The following TMCC1 variants were observed in gnomAD, a reference collection of about 807,000 sequenced individuals.
The protein encoded by TMCC1 is transmembrane and coiled-coil domain family 1.
In TMCC1, 15 loss-of-function variants were observed where a neutral mutation model predicts 52.4. That is an observed-to-expected ratio of 0.29 (90% CI 0.19 to 0.44). TMCC1 has a LOEUF of 0.44. Ranked by LOEUF, TMCC1 falls within the 20% of genes least tolerant of loss-of-function variation. TMCC1 has a pLI of 1.00. For missense variants in TMCC1, 503 were observed against 806.0 expected (o/e 0.62, Z 4.55); for synonymous variants, 279 against 301.9 (o/e 0.92, Z 0.79).
At chr3:129,699,645 C>T (rs771163506) in intron 4 of TMCC1, among the ~76,000 whole-genome samples, 1 of 152,168 alleles carries the variant, frequency 6.6e-6, no homozygotes, top group Non-Finnish European at 1.5e-5. Flanking sequence ...TGACAAGATG[C>T]AAGAACCCTC....
intron 1 of TMCC1, among the ~76,000 whole-genome samples, chr3:129,889,583 A>T (rs2061869654): frequency 6.6e-6 from 1 of 152,240 alleles, no homozygotes; most frequent in Non-Finnish European, 1.5e-5. Flanking sequence ...ACTCTGCAGT[A>T]TCTTTGCAAT....
intron 2 of TMCC1, chr3:129,847,072 T>C (rs183628924): frequency 3.3e-5 from 5 of 152,204 alleles, no homozygotes; most frequent in Admixed American, 3.3e-4. Context: ...AATTGTTTTA[T>C]TAAACTTCCT....
intron 2 of TMCC1, among the ~76,000 whole-genome samples, chr3:129,846,167 T>C (rs1303382826): frequency 6.6e-6 from 1 of 152,086 alleles, no homozygotes; most frequent in African/African-American, 2.4e-5. Context: ...AAAAATTCTC[T>C]TTTGGGCTGG....
At chr3:129,885,329 C>G (rs2061643407) in intron 1 of TMCC1, among the ~76,000 whole-genome samples, 1 of 152,006 alleles carries the variant, frequency 6.6e-6, no homozygotes, top group South Asian at 2.1e-4. Context: ...CACTGCAGAA[C>G]AAAGCTTTGG....
intron 4 of TMCC1, 85 bp from the exon 5 acceptor site, chr3:129,671,349 G>A: frequency 2.2e-6 from 3 of 1,358,308 alleles, no homozygotes; most frequent in Non-Finnish European, 3.0e-6. Context: ...TTGGAAATGT[G>A]TCTACTCTCA....
At chr3:129,694,179 G>C (rs1304038180) in intron 4 of TMCC1, among the ~76,000 whole-genome samples, 1 of 152,184 alleles carries the variant, frequency 6.6e-6, no homozygotes, top group Non-Finnish European at 1.5e-5. Context: ...TTTCTCAGGT[G>C]TATTTTCCTA....
At chr3:129,830,831 A>T (rs982117900) in intron 3 of TMCC1, among the ~76,000 whole-genome samples, 1 of 152,190 alleles carries the variant, frequency 6.6e-6, no homozygotes, top group Non-Finnish European at 1.5e-5. Flanking sequence ...AAACTAATCA[A>T]CTGGTCATCT....
At chr3:129,760,122 C>A (rs1456090935) in intron 4 of TMCC1, among the ~76,000 whole-genome samples, 1 of 152,126 alleles carries the variant, frequency 6.6e-6, no homozygotes. Flanking sequence ...AACCCCTCTT[C>A]CCTGCACTGT....
At chr3:129,671,728 G>A (rs2087960131) in intron 4 of TMCC1, among the ~76,000 whole-genome samples, 1 of 152,184 alleles carries the variant, frequency 6.6e-6, no homozygotes, top group Non-Finnish European at 1.5e-5. Flanking sequence ...TCACCTAAAT[G>A]TGTCGGCAAG....
intron 2 of TMCC1, among the ~76,000 whole-genome samples, chr3:129,860,749 G>A (rs564038169): frequency 1.3e-5 from 2 of 151,970 alleles, no homozygotes; most frequent in South Asian, 2.1e-4. Context: ...ACAGGTGCCC[G>A]CCACCACACC....
chr3:129,745,047 T>C (rs989936291), intron 4 of TMCC1, among the ~76,000 whole-genome samples: 8 of 152,186 alleles, frequency 5.3e-5, no homozygotes, highest in Admixed American at 1.3e-4. Context: ...TGTAGACATA[T>C]TGAGTAATAA....
intron 2 of TMCC1, among the ~76,000 whole-genome samples, chr3:129,837,083 A>T (rs1366689257): frequency 1.3e-5 from 2 of 152,160 alleles, no homozygotes. Context: ...TGTTTCTCTA[A>T]AACAGCAATA....
intron 2 of TMCC1, among the ~76,000 whole-genome samples, chr3:129,855,857 G>A (rs140002729): frequency 1.3e-5 from 2 of 152,320 alleles, no homozygotes; most frequent in South Asian, 2.1e-4. Context: ...AATGGAAAAT[G>A]TAAGATCCTG....
chr3:129,760,069 A>G (rs1191521175), intron 4 of TMCC1, among the ~76,000 whole-genome samples: 2 of 151,442 alleles, frequency 1.3e-5, no homozygotes, highest in Non-Finnish European at 2.9e-5. Flanking sequence ...GAATAGTTTA[A>G]GGTTTACAGA....
At chr3:129,734,344 A>G (rs2050772796) in intron 4 of TMCC1, among the ~76,000 whole-genome samples, 1 of 152,248 alleles carries the variant, frequency 6.6e-6, no homozygotes, top group African/African-American at 2.4e-5. Context: ...TGTAGAAGAG[A>G]ATCATTTACA....
chr3:129,830,547 G>C (rs1370851510), intron 3 of TMCC1, among the ~76,000 whole-genome samples: 1 of 152,136 alleles, frequency 6.6e-6, no homozygotes, highest in Non-Finnish European at 1.5e-5. Context: ...GGGCTATTTA[G>C]ATCCTGAGAA....
At chr3:129,821,443 ATC>A (rs1429448158) in intron 4 of TMCC1, among the ~76,000 whole-genome samples, 1 of 152,232 alleles carries the variant, frequency 6.6e-6, no homozygotes, top group African/African-American at 2.4e-5. Flanking sequence ...GTTAAGAATG[ATC>A]TGATATAATG....
intron 2 of TMCC1, among the ~76,000 whole-genome samples, chr3:129,867,408 T>G (rs1242157063): frequency 6.6e-6 from 1 of 152,242 alleles, no homozygotes; most frequent in East Asian, 1.9e-4. Flanking sequence ...TCTTCCTTCT[T>G]TATATTTCCA....
intron 2 of TMCC1, among the ~76,000 whole-genome samples, chr3:129,842,505 C>T (rs919662346): frequency 6.7e-5 from 10 of 149,482 alleles, no homozygotes; most frequent in South Asian, 2.1e-4. Context: ...CACACACACA[C>T]GTAAGCAGAT....
Sources: allele counts gnomAD v4.1 joint callset (sites outside exome capture counted in the v4.1 genomes callset), GRCh38; gene constraint gnomAD v4.1.1; transcripts MANE v1.5; gene names NCBI Gene and HGNC (gene_info 2026-07-23, HGNC 2026-07-21).